The following HTR2C variants were observed in gnomAD, a reference collection of about 807,000 sequenced individuals.
The protein encoded by HTR2C is 5-hydroxytryptamine (serotonin) receptor 2C, G protein-coupled.
A neutral mutation model predicts 21.0 loss-of-function variants in HTR2C; 5 were observed. The ratio of observed to expected loss-of-function variants is 0.24; its 90% confidence interval spans 0.12 to 0.50. The LOEUF is 0.50. Ranked by LOEUF, HTR2C falls within the 20% of genes least tolerant of loss-of-function variation. The pLI, the probability that HTR2C is intolerant of heterozygous loss-of-function variation, is 0.98. For synonymous variants in HTR2C, 150 were observed against 145.3 expected (o/e 1.03, Z -0.23); for missense variants, 271 against 371.2 (o/e 0.73, Z 2.22).
chrX:114,854,374 C>G (rs2070942268), intron 5 of HTR2C, among the ~76,000 whole-genome samples: 1 of 111,098 alleles, frequency 9.0e-6, no homozygotes, highest in Non-Finnish European at 1.9e-5. Context: ...TTTTCCAAAA[C>G]AAAATCAACA....
In HTR2C at chrX:114,781,785, GCCACCA is replaced by G. The variant is rs1325493003; in HGVS notation, c.349+50180_349+50185del. ...GAAAGTGCTGAGATTACAAGCGTGA[GCCACCA>G]CATCCCAGTCAACCCCGCCGTCTAA... On this transcript the variant is annotated intron_variant, in intron 4 of 5. Transcript: ENST00000276198. Among the ~76,000 whole-genome samples, 25 of 98,477 alleles carry G rather than the reference GCCACCA, an allele frequency of 2.5e-4. No homozygotes were observed. In the Admixed American group the frequency reaches 2.6e-3, roughly 10 times the overall value. The allele number at this position is 98,477 out of a possible 115,157, so 85.5% of individuals were successfully genotyped here.
chrX:114,708,498 G>A (rs377116199), intron 2 of HTR2C, among the ~76,000 whole-genome samples: 54 of 111,662 alleles, frequency 4.8e-4, no homozygotes, highest in African/African-American at 1.4e-3. Flanking sequence ...TTGGTTTCCT[G>A]ACTCAAAAGT....
chrX:114,646,306 A>G (rs1556407515), intron 2 of HTR2C, among the ~76,000 whole-genome samples: 2 of 111,779 alleles, frequency 1.8e-5, no homozygotes, highest in African/African-American at 6.5e-5. Flanking sequence ...TCTGTTAATA[A>G]AGGCTAAATT....
intron 1 of HTR2C, among the ~76,000 whole-genome samples, chrX:114,606,864 G>T (rs1322843291): frequency 9.0e-6 from 1 of 111,075 alleles, no homozygotes; most frequent in African/African-American, 3.3e-5. Flanking sequence ...TTTCACCTGG[G>T]TGCAAGTGGG....
Position 114,793,571 on chromosome X carries a change from C to T in HTR2C, c.350-54432C>T, listed in dbSNP as rs949848120. On this transcript the variant is annotated intron_variant, in intron 4 of 5. Transcript: ENST00000276198. The stretch of plus-strand genomic sequence containing the variant: ...GCTGTATTATCCTATTCCCACCCTC[C>T]TTTAATGGGAGATTATTATGGATTT... Among the ~76,000 whole-genome samples, 5 of 111,664 alleles carry T rather than the reference C, an allele frequency of 4.5e-5. No individual in the cohort carries two copies. In the South Asian group the frequency reaches 1.5e-3, roughly 33 times the overall value.
intron 2 of HTR2C, among the ~76,000 whole-genome samples, chrX:114,656,707 T>G (rs899203184): frequency 9.0e-6 from 1 of 111,112 alleles, no homozygotes; most frequent in Admixed American, 9.6e-5. Context: ...AGTTTATGTC[T>G]GAATTTGCCA....
chrX:114,616,661 C>T (rs148234851), intron 2 of HTR2C, among the ~76,000 whole-genome samples: 3,874 of 111,579 alleles, frequency 0.035, 173 homozygotes, highest in African/African-American at 0.12. Context: ...TAATACCTTC[C>T]GTAAAGCCTT....
At chrX:114,839,712 C>G (rs1231380991) in intron 4 of HTR2C, among the ~76,000 whole-genome samples, 1 of 109,973 alleles carries the variant, frequency 9.1e-6, no homozygotes, top group East Asian at 2.8e-4. Flanking sequence ...CAAAACAAAA[C>G]AAAACAAAAC....
chrX:114,805,981 T>TATATATATACC (rs1556449156), intron 4 of HTR2C, among the ~76,000 whole-genome samples: 172 of 9,091 alleles, frequency 0.019, 5 homozygotes, highest in Middle Eastern at 0.25. Flanking sequence ...ATATACACCA[T>TATATATATACC]ATATATACAC....
chrX:114,845,731 C>A, intron 4 of HTR2C, among the ~76,000 whole-genome samples: 1 of 109,823 alleles, frequency 9.1e-6, no homozygotes, highest in Middle Eastern at 4.8e-3. Context: ...GCCAATCCTC[C>A]TGGTGTGGTA....
intron 2 of HTR2C, among the ~76,000 whole-genome samples, chrX:114,627,780 A>G (rs1168264875): frequency 8.9e-6 from 1 of 112,180 alleles, no homozygotes; most frequent in Non-Finnish European, 1.9e-5. Flanking sequence ...TCACAAGGAT[A>G]TAGTAAAAGC....
intron 5 of HTR2C, among the ~76,000 whole-genome samples, chrX:114,888,304 T>G (rs2071235988): frequency 8.9e-6 from 1 of 111,826 alleles, no homozygotes; most frequent in Admixed American, 9.5e-5. Flanking sequence ...GGCTTGCTTC[T>G]CTTGACATGA....
At chrX:114,658,908 A>G (rs1168939611) in intron 2 of HTR2C, among the ~76,000 whole-genome samples, 2 of 111,634 alleles carry the variant, frequency 1.8e-5, no homozygotes, top group Non-Finnish European at 3.8e-5. Context: ...CCCTCAAGTT[A>G]TCTATTTGGT....
At chrX:114,888,169 AACTTTTAGTTAATTGACTTTCCT>A (rs1303617206) in intron 5 of HTR2C, among the ~76,000 whole-genome samples, 1 of 111,344 alleles carries the variant, frequency 9.0e-6, no homozygotes, top group African/African-American at 3.3e-5. Flanking sequence ...GTATTTTTCC[AACTTTTAGTTAATTGACTTTCCT>A]AGATATGTAG....
intron 5 of HTR2C, among the ~76,000 whole-genome samples, chrX:114,850,745 A>G (rs1183621265): frequency 9.0e-6 from 1 of 111,576 alleles, no homozygotes; most frequent in East Asian, 2.8e-4. Context: ...TAAAACGTAT[A>G]CTGAATGGCA....
intron 2 of HTR2C, among the ~76,000 whole-genome samples, chrX:114,665,607 A>G (rs1931146566): frequency 8.9e-6 from 1 of 112,405 alleles, no homozygotes; most frequent in Non-Finnish European, 1.9e-5. Flanking sequence ...TTCTTACAAT[A>G]AAGTAAGCTA....
intron 5 of HTR2C, among the ~76,000 whole-genome samples, chrX:114,852,199 G>A (rs1391279459): frequency 5.5e-5 from 6 of 109,857 alleles, no homozygotes; most frequent in Non-Finnish European, 1.1e-4. Context: ...TTTTCTCTGT[G>A]GTTCTGATAC....
intron 2 of HTR2C, among the ~76,000 whole-genome samples, chrX:114,724,066 A>G (rs189462724): frequency 6.6e-4 from 68 of 103,038 alleles, no homozygotes; most frequent in East Asian, 4.4e-3. Context: ...ATTCCTGGGT[A>G]TCCTTGTTGA....
intron 4 of HTR2C, chrX:114,763,395 G>A (rs2069902552): frequency 8.6e-6 from 1 of 115,847 alleles, no homozygotes; most frequent in Non-Finnish European, 1.9e-5. Context: ...ATTGTACTTA[G>A]CTGTGTTCCT....
Sources: allele counts gnomAD v4.1 joint callset (sites outside exome capture counted in the v4.1 genomes callset), GRCh38; gene constraint gnomAD v4.1.1; transcripts MANE v1.5; gene names NCBI Gene and HGNC (gene_info 2026-07-23, HGNC 2026-07-21).